VASH1: variants seen among roughly 807,000 people sequenced by gnomAD.
VASH1 encodes the protein tubulinyl-Tyr carboxypeptidase 1.
In VASH1, 16 loss-of-function variants were observed where a neutral mutation model predicts 35.0. The ratio of observed to expected loss-of-function variants is 0.46; its 90% CI spans 0.31 to 0.70. The LOEUF (loss-of-function observed/expected upper bound fraction) is 0.70, where lower values mean the gene tolerates loss of function less well. Among genes scored for constraint, VASH1 ranks in the 30% least tolerant of loss-of-function variants. The pLI is 0.05. For synonymous variants in VASH1, 214 were observed against 200.9 expected (o/e 1.07, Z -0.55); for missense variants, 505 against 510.7 (o/e 0.99, Z 0.11).
intron 3 of VASH1, 96 bp from the exon 4 acceptor site, chr14:76,773,040 CT>C: frequency 8.2e-7 from 1 of 1,222,930 alleles, no homozygotes; most frequent in Non-Finnish European, 1.2e-6. Flanking sequence ...AGCCTCTGTC[CT>C]TCTAGCATTT....
At chr14:76,778,194 G>T in intron 6 of VASH1, 123 bp downstream of exon 6, 1 of 699,242 alleles carries the variant, frequency 1.4e-6, no homozygotes, top group Non-Finnish European at 2.1e-6. Flanking sequence ...CCCACCCAAG[G>T]GAGGTGACTT....
At chr14:76,777,035 C>A (rs1271896659) in intron 5 of VASH1, among the ~76,000 whole-genome samples, 1 of 152,208 alleles carries the variant, frequency 6.6e-6, no homozygotes, top group Non-Finnish European at 1.5e-5. Flanking sequence ...CAGAGTCTTG[C>A]TCACTGGCAG....
intron 4 of VASH1, chr14:76,774,868 A>T (rs1893890268): frequency 1.3e-5 from 2 of 151,686 alleles, no homozygotes; most frequent in African/African-American, 4.9e-5. Flanking sequence ...TCACTGTGTG[A>T]CCCCCAAGGA....
In VASH1 at chr14:76,779,012, G is replaced by T; in HGVS notation, c.1092G>T (p.Arg364=). 1 of 1,614,002 alleles carries T rather than the reference G, an allele frequency of 6.2e-7. No homozygotes were observed. The highest frequency in any genetic ancestry group is 8.5e-7 in the Non-Finnish European group (1 of 1,180,028). The change falls in exon 7 of 7, where the codon CGG becomes CGT. Residue 364 remains arginine, a synonymous_variant. Coordinates refer to ENST00000167106, the MANE Select transcript of VASH1 (RefSeq NM_014909.5). ...AMPDLNGYQI[R]V The stretch of plus-strand genomic sequence containing the variant: ...CAGACCTTAACGGGTACCAGATCCG[G>T]GTCTGAGGCGGATGCCAGCACCCCA...
intron 1 of VASH1, among the ~76,000 whole-genome samples, chr14:76,763,602 G>C (rs1893563747): frequency 6.6e-6 from 1 of 152,174 alleles, no homozygotes; most frequent in Non-Finnish European, 1.5e-5. Context: ...TTACAGATGA[G>C]AAAGCTGAAA....
Position 76,761,806 on chromosome 14 carries a change from G to A in VASH1, c.-1016G>A, listed in dbSNP as rs896046222. On this transcript the variant is annotated 5_prime_UTR_variant, in exon 1 of 7. Transcript: ENST00000167106. Reference sequence around the variant, plus strand: ...AACAGCCACGGAGCATCCTCCGCCCGCCCGGGCCGCGCCACCGCCCATGCT... The same window carrying A: ...AACAGCCACGGAGCATCCTCCGCCCACCCGGGCCGCGCCACCGCCCATGCT... Among the ~76,000 whole-genome samples the A allele has an allele frequency of 6.6e-6, 1 of 151,810 alleles. No homozygotes were observed. The highest frequency in any genetic ancestry group is 2.4e-5 in the African/African-American group (1 of 41,424).
rs1281471872 is a variant in VASH1 at position 76,771,192 on chromosome 14, A to G, written c.401A>G (p.Tyr134Cys). Residue 134 changes from tyrosine (Y) to cysteine (C), a missense_variant and splice_region_variant, in exon 3 of 7, where the codon TAC becomes TGC. Physicochemically the swap from Tyr to Cys is radical, Grantham distance 194. Coordinates refer to ENST00000167106, the MANE Select transcript of VASH1 (RefSeq NM_014909.5). The stretch of plus-strand genomic sequence containing the variant: ...AAGCCCTTAACCCGTGCCCACAGGT[A>G]CAATCACACAGGGACACAGTTCTTT... ...AVQRYIRELQ[Y>C]NHTGTQFFEI... 1 of 1,596,892 alleles carries G rather than the reference A, an allele frequency of 6.3e-7. No homozygotes were observed. Among genetic ancestry groups the G allele is most frequent in the Non-Finnish European group, 8.5e-7 (1 of 1,171,708 alleles).
chr14:76,771,931 C>T (rs1337098974), intron 3 of VASH1, among the ~76,000 whole-genome samples: 4 of 152,202 alleles, frequency 2.6e-5, no homozygotes, highest in Non-Finnish European at 5.9e-5. Flanking sequence ...AGACTTAAGA[C>T]CCCTGGGCTT....
chr14:76,763,077 C>A lies in VASH1; in HGVS notation c.256C>A (p.Pro86Thr). 6.6e-7 allele frequency: 1 copy of A among 1,520,038 alleles called. No homozygotes were observed. Among genetic ancestry groups the A allele is most frequent in the South Asian group, 1.3e-5 (1 of 78,012 alleles). The allele number at this position is 1,520,038 out of a possible 1,614,324, so 94.2% of individuals were successfully genotyped here. ...GTGGAAACACGTGGCCAAGATCCAC[C>A]CCGATGGAGAGAAGGTGGCGCAACG... ...RMWKHVAKIH[P>T]DGEKVAQRIR... Residue 86 changes from proline to threonine, a missense_variant, in exon 1 of 7, where the codon CCC becomes ACC. By Grantham distance (38) the Pro-to-Thr change is conservative. Coordinates refer to ENST00000167106, the MANE Select transcript of VASH1 (RefSeq NM_014909.5).
At chr14:76,767,242 C>CTAAA (rs1893664658) in intron 1 of VASH1, among the ~76,000 whole-genome samples, 1 of 68,392 alleles carries the variant, frequency 1.5e-5, no homozygotes, top group Non-Finnish European at 3.2e-5. Flanking sequence ...GAAACTCTGT[C>CTAAA]TCAATAAATA....
chr14:76,777,764 C>T (rs1229384895), intron 5 of VASH1, among the ~76,000 whole-genome samples, 195 bp from the exon 6 acceptor site: 1 of 152,210 alleles, frequency 6.6e-6, no homozygotes, highest in Non-Finnish European at 1.5e-5. Context: ...TGGACAGCCC[C>T]ATGGAGGAAC....
intron 1 of VASH1, among the ~76,000 whole-genome samples, chr14:76,769,126 G>C (rs1893722473): frequency 1.3e-5 from 2 of 152,176 alleles, no homozygotes; most frequent in Admixed American, 6.5e-5. Context: ...GCTGAGGGAA[G>C]CCTGGGGGTC....
rs773461824 is a variant in VASH1 at position 76,776,103 on chromosome 14, G to C, written c.742G>C (p.Gly248Arg). ...CGTGCTGGACTTCGAGGCCGCCTAC[G>C]GCCGCTGCTGGCACGTGCTCAAGAA... ...ELVLDFEAAYGRCWHVLKKVK... is the reference protein window; with the variant it reads ...ELVLDFEAAYRRCWHVLKKVK... Residue 248 changes from glycine (G) to arginine (R), a missense_variant, in exon 5 of 7, where the codon GGC becomes CGC. Gly to Arg is a moderately radical substitution (Grantham distance 125). Transcript: ENST00000167106. 2 of 1,608,834 alleles carry C rather than the reference G, an allele frequency of 1.2e-6. No homozygotes were observed. The highest frequency in any genetic ancestry group is 1.1e-5 in the South Asian group (1 of 90,822).
intron 1 of VASH1, chr14:76,769,553 G>A (rs537178896): frequency 1.4e-5 from 16 of 1,178,986 alleles, no homozygotes; most frequent in East Asian, 1.2e-4. Context: ...ATGGGACCCC[G>A]GATATACCAG....
rs1390911443 is a variant in VASH1, at chr14:76,779,162, C to G, written c.*144C>G. 3 of 927,776 alleles carry G rather than the reference C, an allele frequency of 3.2e-6. No homozygotes were observed. The highest frequency in any genetic ancestry group is 1.6e-5 in the African/African-American group (1 of 61,578). 57.5% of individuals were successfully genotyped at this position (927,776 alleles called of 1,614,324 possible). A position where few individuals can be genotyped will look rare whatever the true frequency, so the allele number is the denominator to read the frequency against. The stretch of plus-strand genomic sequence containing the variant: ...AAGAGTGTGTTCCAGCTCAGCCCCC[C>G]AAGCTGCTCTCGCTCCCACTGAGCC... On this transcript the variant is annotated 3_prime_UTR_variant, in exon 7 of 7. Coordinates refer to ENST00000167106, the MANE Select transcript of VASH1 (RefSeq NM_014909.5).
intron 5 of VASH1, 146 bp downstream of exon 5, chr14:76,776,419 T>G: frequency 3.5e-6 from 4 of 1,139,834 alleles, no homozygotes; most frequent in Non-Finnish European, 4.8e-6. Flanking sequence ...GTTCAGGTGG[T>G]CCCCTGGGGT....
chr14:76,767,975 G>GGGAATGATC (rs1407001446), intron 1 of VASH1, among the ~76,000 whole-genome samples: 1 of 152,210 alleles, frequency 6.6e-6, no homozygotes, highest in African/African-American at 2.4e-5. Context: ...TCCTGGGACT[G>GGGAATGATC]CAGCTCCCTT....
At chr14:76,774,330 T>C (rs1190595128) in intron 4 of VASH1, 1 of 152,220 alleles carries the variant, frequency 6.6e-6, no homozygotes, top group Non-Finnish European at 1.5e-5. Flanking sequence ...GCCCTGTTTA[T>C]GGGGTTCTTT....
At position 76,776,052 on chromosome 14, in the gene VASH1, C is replaced by T. The variant is rs1254632652; in HGVS notation, c.691C>T (p.Pro231Ser). Reference sequence around the variant, plus strand: ...GCGCGAGGACCTGATGTACAAGCCGCCCGCCTTCCGCACGCTCAGCGAGCT... The same window carrying T: ...GCGCGAGGACCTGATGTACAAGCCGTCCGCCTTCCGCACGCTCAGCGAGCT... ...SRREDLMYKPPAFRTLSELVL... is the reference protein window; with the variant it reads ...SRREDLMYKPSAFRTLSELVL... The change falls in exon 5 of 7, where the codon CCC (proline) becomes TCC (serine). Residue 231 changes from proline to serine, a missense_variant. Transcript: ENST00000167106. 1 of 1,610,592 alleles carries T rather than the reference C, an allele frequency of 6.2e-7. No individual in the cohort carries two copies. The highest frequency in any genetic ancestry group is 1.3e-5 in the African/African-American group (1 of 74,940).
Sources: allele counts gnomAD v4.1 joint callset (sites outside exome capture counted in the v4.1 genomes callset), GRCh38; gene constraint gnomAD v4.1.1; transcripts MANE v1.5; gene names NCBI Gene and HGNC (gene_info 2026-07-23, HGNC 2026-07-21).